MRPL1: variants seen among roughly 807,000 people sequenced by gnomAD.
MRPL1 encodes large ribosomal subunit protein uL1m.
In MRPL1, 28 loss-of-function variants were observed where a neutral mutation model predicts 38.0. The observed-to-expected ratio is 0.74, with a 90% CI of 0.55 to 1.01. MRPL1 has a LOEUF of 1.01. Ranked by LOEUF, MRPL1 falls within the 50% of genes least tolerant of loss-of-function variation. MRPL1 has a pLI of 0.00. For synonymous variants in MRPL1, 123 were observed against 126.7 expected (o/e 0.97, Z 0.20); for missense variants, 358 against 389.8 (o/e 0.92, Z 0.69).
intron 6 of MRPL1, among the ~76,000 whole-genome samples, chr4:77,899,229 A>G (rs562048275): frequency 6.7e-6 from 1 of 149,324 alleles, no homozygotes; most frequent in East Asian, 2.0e-4. Context: ...CTGGTCTTGA[A>G]CTCATGAGCT....
intron 2 of MRPL1, among the ~76,000 whole-genome samples, chr4:77,878,390 C>T (rs1325233955): frequency 6.6e-6 from 1 of 152,062 alleles, no homozygotes; most frequent in African/African-American, 2.4e-5. Flanking sequence ...ATTTCCATTC[C>T]ATTAATATGC....
intron 6 of MRPL1, among the ~76,000 whole-genome samples, chr4:77,900,705 G>T (rs919911500): frequency 1.3e-5 from 2 of 152,182 alleles, no homozygotes; most frequent in African/African-American, 4.8e-5. Flanking sequence ...ATACCATGGA[G>T]ATTAGATTTT....
chr4:77,939,366 C>G (rs1453035436), intron 7 of MRPL1, among the ~76,000 whole-genome samples: 1 of 152,022 alleles, frequency 6.6e-6, no homozygotes, highest in Non-Finnish European at 1.5e-5. Context: ...ATGTCCTTAG[C>G]CTTCTTTTTG....
intron 6 of MRPL1, among the ~76,000 whole-genome samples, chr4:77,899,160 A>ATTTTTTTTTT (rs1214514714): frequency 7.9e-6 from 1 of 126,522 alleles, no homozygotes. Context: ...CGCCTGGCTC[A>ATTTTTTTTTT]TTTTTTTTTT....
chr4:77,881,887 C>T (rs1256069628), intron 2 of MRPL1, among the ~76,000 whole-genome samples: 1 of 152,162 alleles, frequency 6.6e-6, no homozygotes, highest in Non-Finnish European at 1.5e-5. Context: ...CTTCAGGTCT[C>T]TCTCTTATAT....
At chr4:77,937,198 G>A (rs770368461) in intron 7 of MRPL1, among the ~76,000 whole-genome samples, 46 of 151,976 alleles carry the variant, frequency 3.0e-4, no homozygotes, top group Non-Finnish European at 6.0e-4. Context: ...TTTCAACTGT[G>A]CCCGGTACTA....
intron 7 of MRPL1, among the ~76,000 whole-genome samples, chr4:77,946,777 G>T (rs1737279774): frequency 6.6e-6 from 1 of 152,124 alleles, no homozygotes; most frequent in Non-Finnish European, 1.5e-5. Context: ...TCAGAGTGTG[G>T]TCCAGGGATC....
At chr4:77,876,453 C>G (rs1366129376) in intron 2 of MRPL1, among the ~76,000 whole-genome samples, 1 of 152,156 alleles carries the variant, frequency 6.6e-6, no homozygotes, top group Non-Finnish European at 1.5e-5. Flanking sequence ...ACCCCAAGTT[C>G]TATTCCAGTA....
rs1736179013 is a variant in MRPL1 at position 77,907,328 on chromosome 4, T to C, written c.671-1938T>C. The C allele has an allele frequency of 1.7e-5, 5 of 286,352 alleles. No individual in the cohort carries two copies. The Admixed American group carries it at 2.6e-4, about 15-fold the overall frequency. The allele number at this position is 286,352 out of a possible 1,614,324, so 17.7% of individuals were successfully genotyped here. A position where few individuals can be genotyped will look rare whatever the true frequency, so the allele number is the denominator to read the frequency against. ...TTTTGTAGTCTCCTGTATGATCCTT[T>C]GAAGATTCTTAATTTTTATCCTGAT... On this transcript the variant is annotated intron_variant, in intron 6 of 8. Transcript: ENST00000315567.
chr4:77,946,517 A>T (rs1407654807), intron 7 of MRPL1, among the ~76,000 whole-genome samples: 1 of 152,250 alleles, frequency 6.6e-6, no homozygotes, highest in Non-Finnish European at 1.5e-5. Context: ...ATTATTTGGG[A>T]ACTGATAAAT....
intron 7 of MRPL1, among the ~76,000 whole-genome samples, chr4:77,926,977 CT>C (rs960155819): frequency 1.4e-4 from 22 of 151,912 alleles, no homozygotes; most frequent in African/African-American, 3.6e-4. Context: ...TTCTCTTTAC[CT>C]TTTTTTTCTT....
intron 1 of MRPL1, among the ~76,000 whole-genome samples, chr4:77,871,343 C>A (rs572026337): frequency 6.7e-6 from 1 of 149,046 alleles, no homozygotes; most frequent in South Asian, 2.1e-4. Flanking sequence ...ATCACTCTGT[C>A]GCCCAGGCTG....
chr4:77,901,200 G>A (rs1448989852), intron 6 of MRPL1, among the ~76,000 whole-genome samples: 2 of 152,138 alleles, frequency 1.3e-5, no homozygotes, highest in African/African-American at 2.4e-5. Context: ...TTAATATGAA[G>A]TAGGTTGTGG....
chr4:77,883,189 A>ATT (rs780523164), intron 2 of MRPL1, 53 bp from the exon 3 acceptor site: 3 of 1,146,534 alleles, frequency 2.6e-6, no homozygotes, highest in Admixed American at 3.1e-5. Context: ...TTTTTTTTAA[A>ATT]AAAAATCTCT....
Position 77,941,304 on chromosome 4 carries a change from G to A in MRPL1, c.778-8493G>A, listed in dbSNP as rs537362798. Reference sequence around the variant, plus strand: ...AAAGAGGATTTTTGCATCTATATTCGTCAGAGATATTGATCTGTAGTTTTC... The same window carrying A: ...AAAGAGGATTTTTGCATCTATATTCATCAGAGATATTGATCTGTAGTTTTC... On this transcript the variant is annotated intron_variant, in intron 7 of 8. Transcript: ENST00000315567. 5.0e-4 allele frequency among the ~76,000 whole-genome samples: 75 copies of A among 150,384 alleles called. No homozygotes were observed. In the East Asian group the frequency reaches 8.2e-3, roughly 16 times the overall value.
chr4:77,898,674 A>G (rs1185910086), intron 6 of MRPL1, among the ~76,000 whole-genome samples: 3 of 151,854 alleles, frequency 2.0e-5, no homozygotes, highest in Non-Finnish European at 4.4e-5. Context: ...TTGTATTTTT[A>G]GTAGAGATGG....
At chr4:77,951,671 G>C (rs575872184) in intron 8 of MRPL1, among the ~76,000 whole-genome samples, 1 of 152,328 alleles carries the variant, frequency 6.6e-6, no homozygotes, top group South Asian at 2.1e-4. Context: ...TTCCTGGCCA[G>C]AGCCACTGTC....
chr4:77,863,319 C>G (rs1735047171), intron 1 of MRPL1, among the ~76,000 whole-genome samples: 1 of 152,160 alleles, frequency 6.6e-6, no homozygotes, highest in East Asian at 1.9e-4. Flanking sequence ...GATTCCAGTT[C>G]TTAAACTTCC....
At chr4:77,884,800 A>G (rs1735635316) in intron 3 of MRPL1, among the ~76,000 whole-genome samples, 1 of 152,224 alleles carries the variant, frequency 6.6e-6, no homozygotes, top group Non-Finnish European at 1.5e-5. Context: ...TGTCTCCCTG[A>G]TGGTGTCAGA....
Sources: allele counts gnomAD v4.1 joint callset (sites outside exome capture counted in the v4.1 genomes callset), GRCh38; gene constraint gnomAD v4.1.1; transcripts MANE v1.5; gene names NCBI Gene and HGNC (gene_info 2026-07-23, HGNC 2026-07-21).